Variants in ERLEC1 observed in about 807,000 individuals in gnomAD.
ERLEC1 encodes endoplasmic reticulum lectin 1.
Under a neutral mutation model 68.0 loss-of-function variants are expected in ERLEC1, and 47 were observed. That is an observed-to-expected ratio of 0.69 (90% confidence interval 0.55 to 0.88). The LOEUF (loss-of-function observed/expected upper bound fraction) is 0.88. Among genes scored for constraint, ERLEC1 ranks in the 40% least tolerant of loss-of-function variants. ERLEC1 has a pLI of 0.00. For missense variants in ERLEC1, 567 were observed against 583.8 expected, an observed-to-expected ratio of 0.97 and a Z score of 0.30; for synonymous variants, 225 against 203.2, an observed-to-expected ratio of 1.11 and a Z score of -0.91.
intron 5 of ERLEC1, 109 bp downstream of exon 5, chr2:53,797,904 A>G: frequency 2.0e-6 from 2 of 1,019,494 alleles, no homozygotes; most frequent in Non-Finnish European, 3.0e-6. Flanking sequence ...GAATTTTAAA[A>G]TACTGAAATA....
At chr2:53,796,246 GTT>G (rs200295316) in intron 3 of ERLEC1, among the ~76,000 whole-genome samples, 1,947 of 126,472 alleles carry the variant, frequency 0.015, 27 homozygotes, top group African/African-American at 0.041. Flanking sequence ...TGATGGGTTG[GTT>G]TTTTTTTTTT....
chr2:53,808,780 T>G (rs1676435947), intron 9 of ERLEC1, among the ~76,000 whole-genome samples: 1 of 152,194 alleles, frequency 6.6e-6, no homozygotes, highest in African/African-American at 2.4e-5. Flanking sequence ...CATTTCAAAC[T>G]GGAATTAACA....
At position 53,817,934 on chromosome 2, in the gene ERLEC1, G is replaced by A. The variant is rs1676988863; in HGVS notation, c.1417G>A (p.Ala473Thr). 1 of 1,605,248 alleles carries A rather than the reference G, an allele frequency of 6.2e-7. No homozygotes were observed. Among genetic ancestry groups the A allele is most frequent in the East Asian group, 2.2e-5 (1 of 44,694 alleles). ...SPVICKILDT[A>T]DENGLLSLPN is the part of the protein sequence containing the mutation. ...AGTGATCTGTAAAATCTTAGATACA[G>A]CAGATGAAAATGGACTTCTTTCTCT... Residue 473 changes from alanine to threonine, a missense_variant, in exon 14 of 14, where the codon GCA becomes ACA. Transcript: ENST00000185150.
In ERLEC1 at chr2:53,814,799, T is replaced by C. The variant is rs1271289339; in HGVS notation, c.1305-61T>C. On this transcript the variant is annotated intron_variant, in intron 12 of 13. Coordinates refer to ENST00000185150, the MANE Select transcript of ERLEC1 (RefSeq NM_015701.5). ...TGAGTGGGATTTTTAAGAGTACAGT[T>C]ATTAACAGTGATCTTACTTTAAATG... 13 of 1,296,980 alleles carry C rather than the reference T, an allele frequency of 1.0e-5. No individual in the cohort carries two copies. In the East Asian group the frequency reaches 3.0e-4, roughly 30 times the overall value. 80.3% of individuals were successfully genotyped at this position (1,296,980 alleles called of 1,614,324 possible).
chr2:53,794,832 T>A (rs1675600712), intron 2 of ERLEC1, among the ~76,000 whole-genome samples: 1 of 152,000 alleles, frequency 6.6e-6, no homozygotes, highest in Non-Finnish European at 1.5e-5. Flanking sequence ...TTTTTGTATT[T>A]TTAGTAGAGA....
chr2:53,787,330 C>G lies in ERLEC1; in HGVS notation c.120C>G (p.Asp40Glu). 6.2e-7 allele frequency: 1 copy of G among 1,611,914 alleles called. No homozygotes were observed. The highest frequency in any genetic ancestry group is 8.5e-7 in the Non-Finnish European group (1 of 1,179,908). ...GAGCCCTTCCTCAACTCAGCGATGA[C>G]ATCCCTTTCCGAGTCAACTGGCCCG... ...GGRALPQLSD[D>E]IPFRVNWPGT... The change falls in exon 1 of 14, where the codon GAC (aspartate) becomes GAG (glutamate). Residue 40 changes from aspartate (D) to glutamate (E), a missense_variant. Asp to Glu is a conservative substitution (Grantham distance 45). Coordinates refer to ENST00000185150, the MANE Select transcript of ERLEC1 (RefSeq NM_015701.5).
rs769687038 is a variant in ERLEC1, at chr2:53,814,614, A to T, written c.1298A>T (p.Lys433Ile). 2 of 1,608,770 alleles carry T rather than the reference A, an allele frequency of 1.2e-6. No homozygotes were observed. Among genetic ancestry groups the T allele is most frequent in the African/African-American group, 1.3e-5 (1 of 74,962 alleles). The change falls in exon 12 of 14, where the codon AAA (lysine) becomes ATA (isoleucine). Residue 433 changes from lysine (K) to isoleucine (I), a missense_variant. Transcript: ENST00000185150. The stretch of plus-strand genomic sequence containing the variant: ...GACAAACCAAGACAGGTGACTGTAA[A>T]ACTAAAGTAAGTTAGACCATCAAAT... ...ITDKPRQVTV[K>I]LKCKESDSPH...
chr2:53,787,064 C>T lies in ERLEC1; in HGVS notation c.-147C>T, dbSNP rs1221009307. ...GGGGCGGAGGCGGCGTTGCCGGGCT[C>T]TCCGGAAGGAGACGTGGCGGCGGTT... is the stretch of plus-strand genomic sequence containing the variant. On this transcript the variant is annotated 5_prime_UTR_variant, in exon 1 of 14. Transcript: ENST00000185150. The T allele has an allele frequency of 3.4e-6, 4 of 1,169,502 alleles. No homozygotes were observed. Among genetic ancestry groups the T allele is most frequent in the Admixed American group, 3.1e-5 (1 of 32,766 alleles). The allele number at this position is 1,169,502 out of a possible 1,614,324, so 72.4% of individuals were successfully genotyped here. A position where few individuals can be genotyped will look rare whatever the true frequency, so the allele number is the denominator to read the frequency against.
chr2:53,803,628 T>G (rs1676121206), intron 8 of ERLEC1, among the ~76,000 whole-genome samples: 1 of 149,504 alleles, frequency 6.7e-6, no homozygotes, highest in Admixed American at 6.7e-5. Context: ...GCCAGTGATA[T>G]AAAAGTCGTG....
At chr2:53,811,650 T>C (rs1676596893) in intron 10 of ERLEC1, among the ~76,000 whole-genome samples, 1 of 152,230 alleles carries the variant, frequency 6.6e-6, no homozygotes. Flanking sequence ...TGGTTATTGT[T>C]ATTCCAAGAT....
intron 5 of ERLEC1, 36 bp downstream of exon 5, chr2:53,797,831 G>T: frequency 1.9e-6 from 3 of 1,542,990 alleles, no homozygotes; most frequent in African/African-American, 1.4e-5. Flanking sequence ...AGTAATGCTG[G>T]AATTTGGTTT....
At chr2:53,807,459 G>A (rs989221215) in intron 8 of ERLEC1, among the ~76,000 whole-genome samples, 4 of 151,900 alleles carry the variant, frequency 2.6e-5, no homozygotes, top group Admixed American at 1.3e-4. Context: ...AAGCTGGAGT[G>A]TAGTGGCGTG....
At chr2:53,796,977 C>A (rs1462368792) in intron 3 of ERLEC1, among the ~76,000 whole-genome samples, 1 of 151,110 alleles carries the variant, frequency 6.6e-6, no homozygotes, top group Non-Finnish European at 1.5e-5. Flanking sequence ...CTGCAACCTC[C>A]GCCTGCCAGG....
chr2:53,793,168 C>T (rs1675503471), intron 1 of ERLEC1, among the ~76,000 whole-genome samples: 1 of 152,154 alleles, frequency 6.6e-6, no homozygotes, highest in African/African-American at 2.4e-5. Context: ...TGTCATAAAA[C>T]ACAAAAATCT....
rs1032052019 is a variant in ERLEC1, at chr2:53,809,413, A to G, written c.1101+140A>G. ...GATTAGTATAATCAAAGTATCTCCA[A>G]ATTTTGGAAAATGGAACATTTGGCA... is the stretch of plus-strand genomic sequence containing the variant. On this transcript the variant is annotated intron_variant, in intron 10 of 13. Transcript: ENST00000185150. 4.7e-6 allele frequency: 3 copies of G among 634,682 alleles called. No homozygotes were observed. In the African/African-American group the frequency reaches 5.9e-5, roughly 12 times the overall value. The allele number at this position is 634,682 out of a possible 1,614,324, so 39.3% of individuals were successfully genotyped here. A position where few individuals can be genotyped will look rare whatever the true frequency, so the allele number is the denominator to read the frequency against.
rs1675792781 is a variant in ERLEC1, at chr2:53,797,774, A to G, written c.469A>G (p.Lys157Glu). The G allele has an allele frequency of 6.2e-7, 1 of 1,612,952 alleles. No homozygotes were observed. Among genetic ancestry groups the G allele is most frequent in the Admixed American group, 1.7e-5 (1 of 59,988 alleles). Residue 157 changes from lysine (K) to glutamate (E), a missense_variant, in exon 5 of 14, where the codon AAG becomes GAG. By Grantham distance (56) the Lys-to-Glu change is moderately conservative (BLOSUM62 1). Coordinates refer to ENST00000185150, the MANE Select transcript of ERLEC1 (RefSeq NM_015701.5). ...GTACTACCTTGGGAATATGTTGGCC[A>G]AGAACCTTCTATTTGAAAAAGGTTG... ...HEYYLGNMLA[K>E]NLLFEKEREA...
intron 8 of ERLEC1, among the ~76,000 whole-genome samples, chr2:53,803,157 A>G (rs1390863674): frequency 1.3e-5 from 2 of 152,166 alleles, no homozygotes; most frequent in Non-Finnish European, 2.9e-5. Context: ...ATTAAACCAG[A>G]AGGCAGAAGA....
intron 8 of ERLEC1, among the ~76,000 whole-genome samples, chr2:53,805,432 G>A (rs915672461): frequency 6.6e-6 from 1 of 151,968 alleles, no homozygotes; most frequent in Non-Finnish European, 1.5e-5. Flanking sequence ...TGCCCGGGCT[G>A]GTTTCGAACT....
chr2:53,787,058 C>T lies in ERLEC1; in HGVS notation c.-153C>T, dbSNP rs758862552. ...CTCAAGGGGGCGGAGGCGGCGTTGC[C>T]GGGCTCTCCGGAAGGAGACGTGGCG... On this transcript the variant is annotated 5_prime_UTR_variant, in exon 1 of 14. Transcript: ENST00000185150. 5.4e-6 allele frequency: 6 copies of T among 1,101,940 alleles called. No individual in the cohort carries two copies. Among genetic ancestry groups the T allele is most frequent in the Middle Eastern group, 3.2e-4 (1 of 3,114 alleles). The allele number at this position is 1,101,940 out of a possible 1,614,324, so 68.3% of individuals were successfully genotyped here. A position where few individuals can be genotyped will look rare whatever the true frequency, so the allele number is the denominator to read the frequency against.
Sources: gnomAD v4.1 joint callset for allele counts (sites outside exome capture counted in the v4.1 genomes callset) on GRCh38, gnomAD v4.1.1 for gene constraint, MANE v1.5 for transcripts, NCBI Gene and HGNC (gene_info 2026-07-23, HGNC 2026-07-21) for gene names.